CUBN: variants seen among roughly 807,000 people sequenced by gnomAD.
The protein encoded by CUBN is 460 kDa receptor.
A neutral mutation model predicts 405.3 loss-of-function variants in CUBN; 282 were observed. That is an observed-to-expected ratio of 0.70 (90% CI 0.63 to 0.77). The LOEUF (loss-of-function observed/expected upper bound fraction) is 0.77. CUBN is among the 30% of genes least tolerant of loss of function. The pLI is 0.00. For missense variants in CUBN, 4,514 were observed against 4,475.2 expected, an observed-to-expected ratio of 1.01 and a Z score of -0.25; for synonymous variants, 1,684 against 1,617.0, an observed-to-expected ratio of 1.04 and a Z score of -0.99.
intron 33 of CUBN, among the ~76,000 whole-genome samples, chr10:16,951,672 G>C (rs965141865): frequency 2.0e-5 from 3 of 152,148 alleles, no homozygotes; most frequent in African/African-American, 7.2e-5. Context: ...TACCAGGTCA[G>C]AAAATAAGAT....
chr10:16,900,847 T>C lies in CUBN; in HGVS notation c.8188A>G (p.Thr2730Ala). The C allele has an allele frequency of 6.2e-7, 1 of 1,610,098 alleles. No individual in the cohort carries two copies. The change falls in exon 53 of 67, where the codon ACA (threonine) becomes GCA (alanine). Residue 2730 changes from threonine to alanine, a missense_variant. Transcript: ENST00000377833. ...EAPQGHTITL[T>A]FSDFDIEPHT... ...GGTTCAATATCAAAGTCACTAAATGTGAGCTGCAGGAGAAAAAAGAAAATG... is the reference window on the plus strand; with the variant it reads ...GGTTCAATATCAAAGTCACTAAATGCGAGCTGCAGGAGAAAAAAGAAAATG...
chr10:17,065,420 C>G, intron 22 of CUBN, 88 bp downstream of exon 22: 1 of 1,527,436 alleles, frequency 6.5e-7, no homozygotes, highest in Non-Finnish European at 9.0e-7. Flanking sequence ...CACAGGTTTG[C>G]GGATGATGTA....
At chr10:16,869,080 C>T (rs184112907) in intron 59 of CUBN, among the ~76,000 whole-genome samples, 65 of 152,082 alleles carry the variant, frequency 4.3e-4, no homozygotes, top group African/African-American at 1.5e-3. Context: ...GGCTTTGACA[C>T]TTCCCATCTA....
Position 17,051,354 on chromosome 10 carries a change from C to T in CUBN, c.3140-3751G>A, listed in dbSNP as rs147048612. ...CCAGCCTGGCGACAGAGTGAGAGTC[C>T]GTCTTAAAAAAACAAAACAAAAAAT... On this transcript the variant is annotated intron_variant, in intron 22 of 66. Coordinates refer to ENST00000377833, the MANE Select transcript of CUBN (RefSeq NM_001081.4). 1.7e-3 allele frequency among the ~76,000 whole-genome samples: 261 copies of T among 151,210 alleles called. 2 individuals carry two copies. In the East Asian group the frequency reaches 0.038, roughly 22 times the overall value.
At chr10:17,054,896 T>C (rs566721161) in intron 22 of CUBN, among the ~76,000 whole-genome samples, 17 of 152,246 alleles carry the variant, frequency 1.1e-4, no homozygotes, top group Non-Finnish European at 1.5e-4. Flanking sequence ...AAATTGTTTA[T>C]ATTCCACAAA....
intron 54 of CUBN, among the ~76,000 whole-genome samples, chr10:16,892,643 A>G (rs1471501265): frequency 2.0e-5 from 3 of 151,976 alleles, no homozygotes; most frequent in Non-Finnish European, 4.4e-5. Flanking sequence ...AGGTGCGTGC[A>G]ACCATGCCTG....
At position 16,935,893 on chromosome 10, in the gene CUBN, A is replaced by G. The variant is rs540564214; in HGVS notation, c.5926+1699T>C. 1.1e-4 allele frequency among the ~76,000 whole-genome samples: 16 copies of G among 151,074 alleles called. No individual in the cohort carries two copies. The South Asian group carries it at 2.9e-3, about 27-fold the overall frequency. ...AGACTCCATCTCAAAAAAAAAAAAA[A>G]AAAGAAAAAAAAAAAGAAAGAAATA... On this transcript the variant is annotated intron_variant, in intron 39 of 66. Coordinates refer to ENST00000377833, the MANE Select transcript of CUBN (RefSeq NM_001081.4).
At chr10:17,056,566 A>G (rs11254350) in intron 22 of CUBN, among the ~76,000 whole-genome samples, 6,461 of 151,920 alleles carry the variant, frequency 0.043, 470 homozygotes, top group African/African-American at 0.15. Flanking sequence ...CCGAGATCGC[A>G]CCACCGGACT....
chr10:16,898,900 A>C, intron 54 of CUBN, 96 bp downstream of exon 54: 1 of 953,960 alleles, frequency 1.0e-6, no homozygotes, highest in South Asian at 1.3e-5. Context: ...AGGCAGCAAA[A>C]TTTTCTTACT....
chr10:16,856,105 G>A (rs1260606373), intron 59 of CUBN, among the ~76,000 whole-genome samples: 7 of 152,236 alleles, frequency 4.6e-5, no homozygotes, highest in Admixed American at 2.6e-4. Flanking sequence ...AGAGTCCCAC[G>A]CATCAGAAAG....
intron 59 of CUBN, among the ~76,000 whole-genome samples, chr10:16,853,983 T>G (rs1045792569): frequency 6.6e-6 from 1 of 152,206 alleles, no homozygotes. Flanking sequence ...CCATTAGTAG[T>G]AAGACATAGA....
intron 59 of CUBN, 76 bp downstream of exon 59, chr10:16,869,557 TGGG>T (rs59702069): frequency 2.0e-5 from 14 of 708,516 alleles, no homozygotes; most frequent in Non-Finnish European, 2.9e-5. Context: ...CAGGTGGGGG[TGGG>T]GGGGGGGCGG....
chr10:16,888,584 G>A lies in CUBN; in HGVS notation c.8756-18C>T, dbSNP rs1035083903. On this transcript the variant is annotated intron_variant, in intron 55 of 66. Coordinates refer to ENST00000377833, the MANE Select transcript of CUBN (RefSeq NM_001081.4). ...TCCACATCCTATGTGGGAACAAAAA[G>A]TCATCATCAGATCATTTATTTCTCG... 1 of 1,609,434 alleles carries A rather than the reference G, an allele frequency of 6.2e-7. No individual in the cohort carries two copies. Among genetic ancestry groups the A allele is most frequent in the Non-Finnish European group, 8.5e-7 (1 of 1,176,170 alleles).
chr10:16,977,954 A>G (rs996614535), intron 31 of CUBN, among the ~76,000 whole-genome samples: 4 of 152,220 alleles, frequency 2.6e-5, no homozygotes, highest in African/African-American at 9.6e-5. Flanking sequence ...ATAGGTAGAA[A>G]TGATGTCTAG....
intron 17 of CUBN, among the ~76,000 whole-genome samples, chr10:17,072,342 T>C (rs115635103): frequency 6.6e-6 from 1 of 151,984 alleles, no homozygotes; most frequent in African/African-American, 2.4e-5. Context: ...AAGAAAGTTA[T>C]GGACTAAACT....
Position 16,940,104 on chromosome 10 carries a change from G to C in CUBN, c.5476C>G (p.His1826Asp). 3 of 1,614,164 alleles carry C rather than the reference G, an allele frequency of 1.9e-6. No homozygotes were observed. Among genetic ancestry groups the C allele is most frequent in the Non-Finnish European group, 2.5e-6 (3 of 1,179,990 alleles). The change falls in exon 37 of 67, where the codon CAT becomes GAT. Residue 1826 changes from histidine (H) to aspartate (D), a missense_variant. Coordinates refer to ENST00000377833, the MANE Select transcript of CUBN (RefSeq NM_001081.4). The stretch of plus-strand genomic sequence containing the variant: ...GAGATAAATCTGACCCACAGGGTAT[G>C]TCCAACGATGGAAGAATAATTGAGA... ...FPLNYSSIVG[H>D]TLWVRFISDG...
intron 11 of CUBN, among the ~76,000 whole-genome samples, 153 bp from the exon 12 acceptor site, chr10:17,104,758 T>A (rs1836582136): frequency 1.4e-5 from 2 of 147,288 alleles, no homozygotes; most frequent in African/African-American, 2.5e-5. Flanking sequence ...ATTATATATT[T>A]AAAAATAATT....
Position 16,824,995 on chromosome 10 carries a change from G to C in CUBN, c.10852C>G (p.Arg3618Gly). 5.0e-6 allele frequency: 8 copies of C among 1,613,612 alleles called. No individual in the cohort carries two copies. The highest frequency in any genetic ancestry group is 6.8e-6 in the Non-Finnish European group (8 of 1,179,732). ...ADYARRPSAF[R>G]LTWDS is the part of the protein sequence containing the mutation. Reference sequence around the variant, plus strand: ...CCCACTTAGCTGTCCCAAGTTAATCGGAATGCGGATGGACGCCGTGCATAA... The same window carrying C: ...CCCACTTAGCTGTCCCAAGTTAATCCGAATGCGGATGGACGCCGTGCATAA... Residue 3618 changes from arginine to glycine, a missense_variant, in exon 67 of 67, where the codon CGA becomes GGA. Arg to Gly is a moderately radical substitution (Grantham distance 125, BLOSUM62 -2). Transcript: ENST00000377833.
In CUBN at chr10:17,079,235, C is replaced by CTTT. The variant is rs34189586; in HGVS notation, c.2301+5033_2301+5035dup. Among the ~76,000 whole-genome samples the CTTT allele has an allele frequency of 4.5e-3, 560 of 124,476 alleles. 5 individuals carry two copies. Among genetic ancestry groups the CTTT allele is most frequent in the African/African-American group, 0.016 (510 of 32,840 alleles). 81.7% of individuals were successfully genotyped at this position (124,476 alleles called of 152,430 possible). On this transcript the variant is annotated intron_variant, in intron 17 of 66. Coordinates refer to ENST00000377833, the MANE Select transcript of CUBN (RefSeq NM_001081.4). ...TCCAATATGCTCAAGAATGCAAACTCTTTTTTTTTTTTTTTTTTTAGATGG... is the reference window on the plus strand; with the variant it reads ...TCCAATATGCTCAAGAATGCAAACTCTTTTTTTTTTTTTTTTTTTTTTAGATGG...
Sources: allele counts gnomAD v4.1 joint callset (sites outside exome capture counted in the v4.1 genomes callset), GRCh38; gene constraint gnomAD v4.1.1; transcripts MANE v1.5; gene names NCBI Gene and HGNC (gene_info 2026-07-23, HGNC 2026-07-21).